The following HDAC9 variants were observed in gnomAD, a reference collection of about 807,000 sequenced individuals.
The protein encoded by HDAC9 is MEF-2 interacting transcription repressor (MITR) protein.
Under a neutral mutation model 139.4 loss-of-function variants are expected in HDAC9, and 41 were observed. The ratio of observed to expected loss-of-function variants is 0.29; its 90% CI spans 0.23 to 0.38. The LOEUF (loss-of-function observed/expected upper bound fraction) is 0.38. HDAC9 is among the 10% of genes least tolerant of loss of function. The pLI is 1.00. For missense variants in HDAC9, 1,147 were observed against 1,297.0 expected (o/e 0.88, Z 1.78); for synonymous variants, 517 against 476.2 (o/e 1.09, Z -1.12).
chr7:18,296,414 T>C (rs912954199), intron 1 of HDAC9, among the ~76,000 whole-genome samples: 2 of 126,054 alleles, frequency 1.6e-5, no homozygotes, highest in African/African-American at 7.1e-5. Flanking sequence ...ATAATTCATA[T>C]AGCTCATATT....
intron 24 of HDAC9, among the ~76,000 whole-genome samples, chr7:18,964,881 T>G (rs540472730): frequency 6.6e-6 from 1 of 152,164 alleles, no homozygotes; most frequent in Non-Finnish European, 1.5e-5. Flanking sequence ...CAATTCAAGA[T>G]GAGATTTGGG....
chr7:18,439,197 G>A (rs1791512985), intron 1 of HDAC9, among the ~76,000 whole-genome samples: 1 of 152,110 alleles, frequency 6.6e-6, no homozygotes. Flanking sequence ...GCCACATGTA[G>A]GAGTTTTCAG....
intron 1 of HDAC9, among the ~76,000 whole-genome samples, chr7:18,323,469 A>G (rs1387095830): frequency 1.3e-5 from 2 of 152,178 alleles, no homozygotes; most frequent in South Asian, 2.1e-4. Context: ...AGTCCTCACT[A>G]TCTCTCATGA....
At chr7:18,846,463 G>T (rs76084852) in intron 21 of HDAC9, among the ~76,000 whole-genome samples, 1 of 152,106 alleles carries the variant, frequency 6.6e-6, no homozygotes, top group Admixed American at 6.5e-5. Context: ...AGGAAATATG[G>T]TTATTGACAA....
chr7:18,608,728 A>G (rs1016185784), intron 6 of HDAC9, among the ~76,000 whole-genome samples: 1 of 152,136 alleles, frequency 6.6e-6, no homozygotes, highest in African/African-American at 2.4e-5. Flanking sequence ...TATTTGACAA[A>G]CCACACTTTG....
At chr7:18,693,839 T>C (rs1307470434) in intron 12 of HDAC9, among the ~76,000 whole-genome samples, 1 of 152,206 alleles carries the variant, frequency 6.6e-6, no homozygotes, top group African/African-American at 2.4e-5. Context: ...ACATTTAATA[T>C]GTTGCTGTGC....
chr7:18,525,755 T>G (rs1289709333), intron 2 of HDAC9, among the ~76,000 whole-genome samples: 1 of 152,182 alleles, frequency 6.6e-6, no homozygotes, highest in Non-Finnish European at 1.5e-5. Flanking sequence ...AAGTCTAGTC[T>G]TTCAGAACAG....
chr7:18,784,282 T>C (rs1791503294), intron 16 of HDAC9, among the ~76,000 whole-genome samples: 1 of 152,024 alleles, frequency 6.6e-6, no homozygotes, highest in East Asian at 1.9e-4. Context: ...CTCACCTTGT[T>C]ACCCAGACTG....
At chr7:18,677,018 A>C (rs1781560434) in intron 12 of HDAC9, among the ~76,000 whole-genome samples, 1 of 151,924 alleles carries the variant, frequency 6.6e-6, no homozygotes, top group African/African-American at 2.4e-5. Context: ...ACTCCACTTG[A>C]TATATATACA....
At chr7:18,188,040 A>G (rs1790051405) in intron 2 of HDAC9, among the ~76,000 whole-genome samples, 1 of 152,230 alleles carries the variant, frequency 6.6e-6, no homozygotes, top group Non-Finnish European at 1.5e-5. Flanking sequence ...TGTGCAGCCA[A>G]GACAATCTTA....
At chr7:18,716,903 TG>T (rs1203028553) in intron 12 of HDAC9, among the ~76,000 whole-genome samples, 1 of 152,112 alleles carries the variant, frequency 6.6e-6, no homozygotes, top group Non-Finnish European at 1.5e-5. Context: ...CCAACAGTCC[TG>T]TCTTATAAGT....
chr7:18,472,660 A>G (rs990514232), intron 1 of HDAC9, among the ~76,000 whole-genome samples: 1 of 152,140 alleles, frequency 6.6e-6, no homozygotes, highest in African/African-American at 2.4e-5. Flanking sequence ...TTCAGATCTC[A>G]GGTCAAGTGT....
At chr7:18,754,414 C>A (rs929931351) in intron 14 of HDAC9, among the ~76,000 whole-genome samples, 1 of 152,006 alleles carries the variant, frequency 6.6e-6, no homozygotes, top group African/African-American at 2.4e-5. Context: ...AATGCACTTG[C>A]AGTTGTTTTT....
chr7:18,910,418 C>T (rs1005505647), intron 22 of HDAC9, among the ~76,000 whole-genome samples: 2 of 151,928 alleles, frequency 1.3e-5, no homozygotes, highest in African/African-American at 4.8e-5. Context: ...TGTAACTTTA[C>T]TGAATTTGTC....
chr7:18,431,150 C>G (rs1790621221), intron 1 of HDAC9, among the ~76,000 whole-genome samples: 1 of 152,104 alleles, frequency 6.6e-6, no homozygotes, highest in Non-Finnish European at 1.5e-5. Flanking sequence ...CTGTTCCATA[C>G]AGTTTCTATA....
chr7:18,550,780 G>A (rs1270271395), intron 2 of HDAC9, among the ~76,000 whole-genome samples: 1 of 152,194 alleles, frequency 6.6e-6, no homozygotes, highest in Admixed American at 6.5e-5. Flanking sequence ...CTGGAGTAGA[G>A]TGGTGAGAGG....
chr7:18,609,928 TTCATCCATG>T (rs1449081732), intron 6 of HDAC9, among the ~76,000 whole-genome samples: 1 of 152,130 alleles, frequency 6.6e-6, no homozygotes, highest in East Asian at 1.9e-4. Flanking sequence ...GGTTTCCAGC[TTCATCCATG>T]TCCCTACAAA....
chr7:18,095,984 A>G (rs1782476803), intron 1 of HDAC9, among the ~76,000 whole-genome samples: 2 of 152,232 alleles, frequency 1.3e-5, no homozygotes, highest in Non-Finnish European at 2.9e-5. Context: ...GGCTCAGGAT[A>G]ATCAGGCTTT....
chr7:18,387,647 C>G (rs1415596416), intron 1 of HDAC9, among the ~76,000 whole-genome samples: 2 of 152,150 alleles, frequency 1.3e-5, no homozygotes, highest in African/African-American at 4.8e-5. Context: ...CATTGCTCAT[C>G]TTTAGAATTT....
Sources: allele counts gnomAD v4.1 joint callset (sites outside exome capture counted in the v4.1 genomes callset), GRCh38; gene constraint gnomAD v4.1.1; transcripts MANE v1.5; gene names NCBI Gene and HGNC (gene_info 2026-07-23, HGNC 2026-07-21).